The following MAPK6 variants were observed in gnomAD, a reference collection of about 807,000 sequenced individuals.
The protein encoded by MAPK6 is mitogen-activated protein kinase 6.
A neutral mutation model predicts 59.3 loss-of-function variants in MAPK6; 19 were observed. The observed-to-expected ratio is 0.32, with a 90% confidence interval of 0.22 to 0.47. The LOEUF (loss-of-function observed/expected upper bound fraction) is 0.47. Among genes scored for constraint, MAPK6 ranks in the 20% least tolerant of loss-of-function variants. MAPK6 has a pLI of 1.00. For missense variants in MAPK6, 724 were observed against 847.9 expected, an observed-to-expected ratio of 0.85 and a Z score of 1.81; for synonymous variants, 316 against 290.3, an observed-to-expected ratio of 1.09 and a Z score of -0.90.
rs754672007 is a variant in MAPK6 at position 52,064,949 on chromosome 15, C to A, written c.2115C>A (p.Ser705=). The stretch of plus-strand genomic sequence containing the variant: ...TAACACCTTCTGCTATGAAATCTTC[C>A]CCTCAAATTCCTCATCAAACATACA... The part of the protein sequence containing the change: ...ATLTPSAMKS[S]PQIPHQTYSS... Residue 705 remains serine, a synonymous_variant, in exon 6 of 6, where the codon TCC becomes TCA. Coordinates refer to ENST00000261845, the MANE Select transcript of MAPK6 (RefSeq NM_002748.4). 3.1e-6 allele frequency: 5 copies of A among 1,611,630 alleles called. No individual in the cohort carries two copies. Among genetic ancestry groups the A allele is most frequent in the Non-Finnish European group, 4.2e-6 (5 of 1,179,560 alleles).
chr15:52,036,813 CCTCCCCTCCT>C (rs1345739285), intron 1 of MAPK6, among the ~76,000 whole-genome samples: 1 of 151,246 alleles, frequency 6.6e-6, no homozygotes, highest in East Asian at 1.9e-4. Context: ...CCTTTCTTTC[CCTCCCCTCCT>C]CTCCCCTCCC....
chr15:52,016,558 T>A (rs2030276793), upstream of MAPK6, among the ~76,000 whole-genome samples: 1 of 152,222 alleles, frequency 6.6e-6, no homozygotes, highest in Admixed American at 6.5e-5. Context: ...AAAATCCATT[T>A]ATCTCATTAA....
intron 1 of MAPK6, among the ~76,000 whole-genome samples, chr15:52,028,077 C>T (rs1189413092): frequency 2.0e-5 from 3 of 148,114 alleles, no homozygotes; most frequent in Non-Finnish European, 3.0e-5. Flanking sequence ...CTCAGCTTTC[C>T]GAGTAGCTGG....
chr15:51,978,862 G>A (rs1219184720), intron 1 of MAPK6, among the ~76,000 whole-genome samples: 7 of 151,664 alleles, frequency 4.6e-5, no homozygotes, highest in Non-Finnish European at 8.8e-5. Context: ...GGTTCACACC[G>A]ATAACCCCAA....
chr15:52,023,821 G>C (rs2030645764), intron 1 of MAPK6, among the ~76,000 whole-genome samples: 1 of 152,112 alleles, frequency 6.6e-6, no homozygotes, highest in African/African-American at 2.4e-5. Context: ...CATTATGTTG[G>C]CCAGGATGGT....
At chr15:52,043,014 C>CT (rs1162516144) in intron 1 of MAPK6, among the ~76,000 whole-genome samples, 2 of 152,016 alleles carry the variant, frequency 1.3e-5, no homozygotes, top group African/African-American at 4.8e-5. Flanking sequence ...GTCCCAGCTA[C>CT]TTGGGGGGCT....
intron 3 of MAPK6, among the ~76,000 whole-genome samples, chr15:52,053,589 AGATTGATTGATTGGTTGATTGATT>A (rs61048043): frequency 0.92 from 136,615 of 148,828 alleles, 62,998 homozygotes; most frequent in Middle Eastern, 0.98. Context: ...TTTTGAAACA[AGATTGATTGATTGGTTGATTGATT>A]GATTGATTGA....
chr15:52,003,321 C>T (rs1306420537), intron 2 of MAPK6, among the ~76,000 whole-genome samples: 1 of 152,198 alleles, frequency 6.6e-6, no homozygotes, highest in Non-Finnish European at 1.5e-5. Context: ...TCCCTCGACA[C>T]ATGGTGATTA....
chr15:52,060,022 C>CTCTG (rs1275399016), intron 4 of MAPK6, among the ~76,000 whole-genome samples: 3 of 152,156 alleles, frequency 2.0e-5, no homozygotes, highest in African/African-American at 7.2e-5. Flanking sequence ...AGGAGCCCTA[C>CTCTG]TCTGGTTAAT....
At chr15:52,015,272 A>G (rs1398864390), upstream of MAPK6, among the ~76,000 whole-genome samples, 1 of 151,522 alleles carries the variant, frequency 6.6e-6, no homozygotes, top group East Asian at 2.0e-4. Context: ...AAGTGCTGGG[A>G]TTACAGGTAT....
At chr15:52,031,719 C>T (rs1393612889) in intron 1 of MAPK6, among the ~76,000 whole-genome samples, 1 of 152,066 alleles carries the variant, frequency 6.6e-6, no homozygotes, top group Non-Finnish European at 1.5e-5. Flanking sequence ...GTGGTCATAG[C>T]TACTCAGAAG....
At chr15:52,059,393 G>A (rs1226963876) in intron 4 of MAPK6, among the ~76,000 whole-genome samples, 3 of 152,170 alleles carry the variant, frequency 2.0e-5, no homozygotes, top group African/African-American at 7.2e-5. Flanking sequence ...CTCCCACAGT[G>A]GTAGTATTAC....
At chr15:52,049,589 A>C (rs564844328) in intron 2 of MAPK6, among the ~76,000 whole-genome samples, 98 of 151,454 alleles carry the variant, frequency 6.5e-4, no homozygotes, top group African/African-American at 2.4e-3. Flanking sequence ...CGGCCTCCCA[A>C]AGTGCTGGGG....
chr15:52,029,048 T>A (rs2030925376), intron 1 of MAPK6, among the ~76,000 whole-genome samples: 1 of 152,246 alleles, frequency 6.6e-6, no homozygotes, highest in Non-Finnish European at 1.5e-5. Flanking sequence ...GTATGCTTTT[T>A]TTTGTTTCTG....
Position 52,012,987 on chromosome 15 carries a change from GAAAAAAAAAAAAAAAAAA to G in MAPK6, c.-632+8602_-632+8619del, listed in dbSNP as rs869196156. ...GGGCGACAGAGTGAGACTCCGCCTG[GAAAAAAAAAAAAAAAAAA>G]AAAAAAAAAAAAAAAATATATATAT... On this transcript the variant is annotated intron_variant, in intron 3 of 7. Transcript: ENST00000691380. Among the ~76,000 whole-genome samples the G allele has an allele frequency of 6.5e-3, 171 of 26,438 alleles. 1 individual carries two copies. The highest frequency in any genetic ancestry group is 0.014 in the South Asian group (6 of 416). The allele number at this position is 26,438 out of a possible 152,430, so 17.3% of individuals were successfully genotyped here. A position where few individuals can be genotyped will look rare whatever the true frequency, so the allele number is the denominator to read the frequency against.
chr15:51,998,683 G>C (rs2057233048), intron 2 of MAPK6, among the ~76,000 whole-genome samples: 1 of 24,610 alleles, frequency 4.1e-5, no homozygotes, highest in South Asian at 1.8e-3. Context: ...ACCATGCCTG[G>C]TTAATTTTTT....
chr15:52,045,008 G>T (rs1595995966), intron 1 of MAPK6, among the ~76,000 whole-genome samples: 2 of 129,532 alleles, frequency 1.5e-5, no homozygotes, highest in African/African-American at 3.0e-5. Flanking sequence ...CTACTTATCT[G>T]TTCTCCTATT....
intron 3 of MAPK6, 82 bp from the exon 4 acceptor site, chr15:52,058,551 A>G (rs534621381): frequency 1.7e-6 from 2 of 1,184,458 alleles, no homozygotes; most frequent in South Asian, 1.8e-5. Context: ...GGTCATTATA[A>G]TATTTAAATT....
chr15:52,018,947 C>A (rs1290655444), upstream of MAPK6: 1 of 152,346 alleles, frequency 6.6e-6, no homozygotes, highest in Non-Finnish European at 1.5e-5. Flanking sequence ...AACGCTGGCA[C>A]TGGGTTTGGT....
Sources: gnomAD v4.1 joint callset for allele counts (sites outside exome capture counted in the v4.1 genomes callset) on GRCh38, gnomAD v4.1.1 for gene constraint, MANE v1.5 for transcripts, NCBI Gene and HGNC (gene_info 2026-07-23, HGNC 2026-07-21) for gene names.